C1QTNF3: variants seen among roughly 807,000 people sequenced by gnomAD.
The protein encoded by C1QTNF3 is C1q and TNF related 3, also known as complement C1q tumor necrosis factor-related protein 3.
Under a neutral mutation model 32.6 loss-of-function variants are expected in C1QTNF3, and 26 were observed. That is an observed-to-expected ratio of 0.80 (90% CI 0.58 to 1.11). The LOEUF (loss-of-function observed/expected upper bound fraction) is 1.11. Ranked by LOEUF, C1QTNF3 falls within the 50% of genes least tolerant of loss-of-function variation. The pLI, the probability that C1QTNF3 is intolerant of heterozygous loss-of-function variation, is 0.00. For missense variants in C1QTNF3, 362 were observed against 398.2 expected (o/e 0.91, Z 0.77); for synonymous variants, 155 against 146.0 (o/e 1.06, Z -0.44).
the C1QTNF3 span, among the ~76,000 whole-genome samples, chr5:34,143,366 T>C: frequency 4.0e-3 from 614 of 152,264 alleles, 2 homozygotes; most frequent in Non-Finnish European, 6.4e-3. Flanking sequence ...CTTGAGGACA[T>C]AGGCCATGAA....
chr5:34,236,874 C>G, the C1QTNF3 span, among the ~76,000 whole-genome samples: 1 of 151,904 alleles, frequency 6.6e-6, no homozygotes, highest in Non-Finnish European at 1.5e-5. Context: ...CCGCACCCAG[C>G]CAGTTAATTT....
At chr5:34,219,441 CTG>C in the C1QTNF3 span, among the ~76,000 whole-genome samples, 2 of 150,996 alleles carry the variant, frequency 1.3e-5, no homozygotes, top group African/African-American at 2.4e-5. Flanking sequence ...AAAAAAAAAA[CTG>C]TGTTACAGGG....
At position 34,042,701 on chromosome 5, in the gene C1QTNF3, C is replaced by T. The variant is rs560600894; in HGVS notation, c.303+122G>A. ...AGAAAGAGATTCACAAGCAGCTTAG[C>T]GAACTTCTCGAAAGCATTCATTGAT... On this transcript the variant is annotated intron_variant, in intron 1 of 5. Transcript: ENST00000382065. 81 of 947,166 alleles carry T rather than the reference C, an allele frequency of 8.6e-5. 1 individual carries two copies. The South Asian group carries it at 1.1e-3, about 13-fold the overall frequency. The allele number at this position is 947,166 out of a possible 1,614,324, so 58.7% of individuals were successfully genotyped here. A position where few individuals can be genotyped will look rare whatever the true frequency, so the allele number is the denominator to read the frequency against.
At chr5:34,050,803 G>A in the C1QTNF3 span, among the ~76,000 whole-genome samples, 1 of 152,144 alleles carries the variant, frequency 6.6e-6, no homozygotes, top group Non-Finnish European at 1.5e-5. Context: ...CCTATTAAAT[G>A]TTTCTTTCAG....
chr5:34,111,232 G>T, the C1QTNF3 span, among the ~76,000 whole-genome samples: 2 of 151,862 alleles, frequency 1.3e-5, no homozygotes, highest in African/African-American at 4.8e-5. Context: ...CTTTTGAGCA[G>T]CAGGGTTATC....
At chr5:34,159,968 C>T in the C1QTNF3 span, among the ~76,000 whole-genome samples, 5 of 151,900 alleles carry the variant, frequency 3.3e-5, no homozygotes, top group Admixed American at 1.3e-4. Flanking sequence ...AGATCATTAA[C>T]GCAAGTGAAA....
chr5:34,042,695 G>A (rs1754900561), intron 1 of C1QTNF3, 128 bp downstream of exon 1: 1 of 881,120 alleles, frequency 1.1e-6, no homozygotes, highest in East Asian at 2.5e-5. Flanking sequence ...TTCACAAGCA[G>A]CTTAGCGAAC....
chr5:34,064,259 TCAC>T, the C1QTNF3 span, among the ~76,000 whole-genome samples: 1 of 152,188 alleles, frequency 6.6e-6, no homozygotes, highest in Non-Finnish European at 1.5e-5. Context: ...CCAATATTAC[TCAC>T]CACTTTGAAG....
At chr5:34,050,853 C>T in the C1QTNF3 span, among the ~76,000 whole-genome samples, 1 of 152,222 alleles carries the variant, frequency 6.6e-6, no homozygotes, top group African/African-American at 2.4e-5. Context: ...CACCTCTCAG[C>T]TTCCTTGGAC....
chr5:34,142,695 G>A, the C1QTNF3 span, among the ~76,000 whole-genome samples: 1 of 152,178 alleles, frequency 6.6e-6, no homozygotes, highest in Non-Finnish European at 1.5e-5. Flanking sequence ...ATACTTCCCC[G>A]TGAAACCAAG....
chr5:34,197,685 C>T, the C1QTNF3 span, among the ~76,000 whole-genome samples: 2 of 152,118 alleles, frequency 1.3e-5, no homozygotes, highest in Non-Finnish European at 2.9e-5. Flanking sequence ...ACCCAGGCAG[C>T]ATCCCCCGAA....
chr5:34,049,771 G>A, the C1QTNF3 span, among the ~76,000 whole-genome samples: 1 of 152,248 alleles, frequency 6.6e-6, no homozygotes, highest in Non-Finnish European at 1.5e-5. Flanking sequence ...GCAGTCTTGA[G>A]TTTAAAGGCA....
Position 34,042,914 on chromosome 5 carries a change from T to C in C1QTNF3, c.212A>G (p.Asn71Ser), listed in dbSNP as rs1303596027. The C allele has an allele frequency of 2.5e-6, 4 of 1,614,116 alleles. No homozygotes were observed. The highest frequency in any genetic ancestry group is 1.7e-5 in the Admixed American group (1 of 60,014). ...CAGGGATTTTAGGTCTGTAGAAGTGTTATTATCCACAGTCCCAGTTTTAGG... is the reference window on the plus strand; with the variant it reads ...CAGGGATTTTAGGTCTGTAGAAGTGCTATTATCCACAGTCCCAGTTTTAGG... ...SHPKTGTVDN[N>S]TSTDLKSLRP... Residue 71 changes from asparagine (N) to serine (S), a missense_variant, in exon 1 of 6, where the codon AAC (asparagine) becomes AGC (serine). Asn to Ser is a conservative substitution (Grantham distance 46). Coordinates refer to ENST00000382065, the MANE Select transcript of C1QTNF3 (RefSeq NM_181435.6).
At chr5:34,148,075 G>C in the C1QTNF3 span, among the ~76,000 whole-genome samples, 1 of 151,528 alleles carries the variant, frequency 6.6e-6, no homozygotes, top group Non-Finnish European at 1.5e-5. Context: ...TTCCCTTTCC[G>C]AGTCAAAGAA....
At chr5:34,122,751 C>T in the C1QTNF3 span, among the ~76,000 whole-genome samples, 1 of 151,230 alleles carries the variant, frequency 6.6e-6, no homozygotes, top group African/African-American at 2.4e-5. Flanking sequence ...TAGGCCACCT[C>T]AATGGAAGGT....
At chr5:34,079,316 G>T in the C1QTNF3 span, among the ~76,000 whole-genome samples, 1 of 151,594 alleles carries the variant, frequency 6.6e-6, no homozygotes, top group Admixed American at 6.5e-5. Context: ...TCACTAAGGA[G>T]ATAATTATGT....
the C1QTNF3 span, among the ~76,000 whole-genome samples, chr5:34,137,769 T>C: frequency 6.6e-6 from 1 of 152,214 alleles, no homozygotes; most frequent in South Asian, 2.1e-4. Context: ...CATAGTACTG[T>C]TCTGCTGGTT....
the C1QTNF3 span, among the ~76,000 whole-genome samples, chr5:34,174,849 C>G: frequency 6.6e-6 from 1 of 152,030 alleles, no homozygotes; most frequent in Non-Finnish European, 1.5e-5. Flanking sequence ...ATGCCATTTC[C>G]TGCCTCAGCC....
chr5:34,156,148 G>A, the C1QTNF3 span, among the ~76,000 whole-genome samples: 1 of 152,158 alleles, frequency 6.6e-6, no homozygotes, highest in African/African-American at 2.4e-5. Context: ...TCGGCTCACT[G>A]TGGCCTCTGC....
Sources: allele counts gnomAD v4.1 joint callset (sites outside exome capture counted in the v4.1 genomes callset), GRCh38; gene constraint gnomAD v4.1.1; transcripts MANE v1.5; gene names NCBI Gene and HGNC (gene_info 2026-07-23, HGNC 2026-07-21).